SULT6B1: variants seen among roughly 807,000 people sequenced by gnomAD.
SULT6B1 encodes the protein sulfotransferase 6B1.
Under a neutral mutation model 37.2 loss-of-function variants are expected in SULT6B1, and 44 were observed. The observed-to-expected ratio is 1.18, with a 90% confidence interval of 0.93 to 1.52. The LOEUF (loss-of-function observed/expected upper bound fraction) is 1.52. SULT6B1 is among the 40% of genes most tolerant of loss of function. SULT6B1 has a pLI of 0.00. For synonymous variants in SULT6B1, 140 were observed against 126.0 expected (o/e 1.11, Z -0.74); for missense variants, 450 against 361.0 (o/e 1.25, Z -2.00).
chr2:37,193,573 AAAG>A (rs1260602107), upstream of SULT6B1, among the ~76,000 whole-genome samples: 2 of 129,656 alleles, frequency 1.5e-5, no homozygotes, highest in Non-Finnish European at 3.4e-5. Context: ...ACCAAAAAAA[AAAG>A]AAGAAAAAGA....
chr2:37,185,927 C>G (rs1343914789), intron 2 of SULT6B1, among the ~76,000 whole-genome samples: 2 of 152,102 alleles, frequency 1.3e-5, no homozygotes, highest in Non-Finnish European at 2.9e-5. Flanking sequence ...CTGGGCCTGT[C>G]TCAGCTGAGC....
intron 4 of SULT6B1, 76 bp downstream of exon 4, chr2:37,179,382 C>A: frequency 6.3e-7 from 1 of 1,580,038 alleles, no homozygotes; most frequent in Admixed American, 1.8e-5. Flanking sequence ...TTCCTTTACC[C>A]TAAAACACAT....
chr2:37,183,565 T>C (rs755409296), intron 2 of SULT6B1, 51 bp from the exon 3 acceptor site: 1 of 1,382,582 alleles, frequency 7.2e-7, no homozygotes, highest in Non-Finnish European at 1.0e-6. Flanking sequence ...TGCATGTGTG[T>C]GTGTGTGTTG....
intron 4 of SULT6B1, among the ~76,000 whole-genome samples, chr2:37,176,408 C>T (rs1184896468): frequency 2.0e-5 from 3 of 151,810 alleles, no homozygotes; most frequent in Admixed American, 6.6e-5. Flanking sequence ...TACAGGCACA[C>T]ACCACCATGC....
chr2:37,195,531 C>T (rs1676895614), intron 1 of SULT6B1, among the ~76,000 whole-genome samples: 1 of 152,148 alleles, frequency 6.6e-6, no homozygotes, highest in African/African-American at 2.4e-5. Flanking sequence ...GCTATCACCC[C>T]TTCTCTAAAA....
intron 4 of SULT6B1, among the ~76,000 whole-genome samples, chr2:37,178,097 T>C (rs1446950808): frequency 6.6e-6 from 1 of 152,134 alleles, no homozygotes; most frequent in African/African-American, 2.4e-5. Flanking sequence ...CAGGCTGGAG[T>C]GCAATGGTGC....
intron 3 of SULT6B1, among the ~76,000 whole-genome samples, chr2:37,179,836 C>T (rs960955783): frequency 1.3e-5 from 2 of 151,966 alleles, no homozygotes; most frequent in African/African-American, 4.8e-5. Flanking sequence ...CAATAAGATG[C>T]ACAGAAGATG....
rs368644010 is a variant in SULT6B1, at chr2:37,171,600, A to T, written c.625-10T>A. 77 of 1,608,420 alleles carry T rather than the reference A, an allele frequency of 4.8e-5. No homozygotes were observed. The highest frequency in any genetic ancestry group is 2.3e-5 in the Non-Finnish European group (27 of 1,177,996). ...TTCCAGCAGCCAGATTCTGTAAAAAAATTTTCTTAAAGATAAATTTCTTCC... is the reference window on the plus strand; with the variant it reads ...TTCCAGCAGCCAGATTCTGTAAAAATATTTTCTTAAAGATAAATTTCTTCC... On this transcript the variant is annotated splice_polypyrimidine_tract_variant and intron_variant, in intron 5 of 6. Coordinates refer to ENST00000535679, the MANE Select transcript of SULT6B1 (RefSeq NM_001367551.1).
chr2:37,178,819 A>T (rs1676485850), intron 4 of SULT6B1, among the ~76,000 whole-genome samples: 2 of 152,202 alleles, frequency 1.3e-5, no homozygotes, highest in Non-Finnish European at 1.5e-5. Context: ...TGTTTTTATC[A>T]GTGTTACATA....
At chr2:37,185,490 G>A (rs548900960) in intron 2 of SULT6B1, among the ~76,000 whole-genome samples, 23 of 152,214 alleles carry the variant, frequency 1.5e-4, no homozygotes, top group African/African-American at 5.5e-4. Flanking sequence ...GCAGAGGAGG[G>A]TGGATCACTT....
chr2:37,181,815 A>G (rs6722645), intron 3 of SULT6B1, among the ~76,000 whole-genome samples: 25,886 of 152,206 alleles, frequency 0.17, 2,377 homozygotes, highest in South Asian at 0.26. Flanking sequence ...AAAATGTGTT[A>G]ACTGCATTCA....
chr2:37,174,159 C>G (rs2148287150), intron 5 of SULT6B1, among the ~76,000 whole-genome samples: 1 of 152,036 alleles, frequency 6.6e-6, no homozygotes, highest in African/African-American at 2.4e-5. Flanking sequence ...TTGGCTCACT[C>G]CCCCACTTCC....
chr2:37,179,663 C>A (rs1676508046), intron 3 of SULT6B1, 79 bp from the exon 4 acceptor site: 2 of 1,262,376 alleles, frequency 1.6e-6, no homozygotes, highest in Non-Finnish European at 2.3e-6. Context: ...GCAATATCAT[C>A]ATGTCCACTC....
At chr2:37,187,526 G>A (rs965902767) in intron 1 of SULT6B1, 59 bp from the exon 2 acceptor site, 14 of 1,046,466 alleles carry the variant, frequency 1.3e-5, no homozygotes, top group Middle Eastern at 3.2e-4. Flanking sequence ...ACAAAAGGAC[G>A]TTACTTTAGC....
chr2:37,174,165 C>G (rs1446136375), intron 5 of SULT6B1, among the ~76,000 whole-genome samples: 3 of 151,888 alleles, frequency 2.0e-5, no homozygotes, highest in African/African-American at 7.3e-5. Context: ...CACTCCCCCA[C>G]TTCCCTCAGA....
At chr2:37,180,798 T>C (rs1045103152) in intron 3 of SULT6B1, among the ~76,000 whole-genome samples, 1 of 152,230 alleles carries the variant, frequency 6.6e-6, no homozygotes, top group Non-Finnish European at 1.5e-5. Context: ...GCAGGAGAAT[T>C]GGTTGAACCT....
intron 6 of SULT6B1, among the ~76,000 whole-genome samples, chr2:37,168,354 C>T (rs563336639): frequency 5.9e-5 from 9 of 152,132 alleles, no homozygotes; most frequent in African/African-American, 2.2e-4. Context: ...GATGGGGTTT[C>T]GCAATGCTGG....
At chr2:37,191,652 A>C (rs1676781865), upstream of SULT6B1, among the ~76,000 whole-genome samples, 1 of 152,234 alleles carries the variant, frequency 6.6e-6, no homozygotes, top group Non-Finnish European at 1.5e-5. Context: ...TGAACAATGG[A>C]ACAGCTATCA....
At chr2:37,181,146 C>A (rs900724672) in intron 3 of SULT6B1, among the ~76,000 whole-genome samples, 4 of 152,124 alleles carry the variant, frequency 2.6e-5, no homozygotes, top group East Asian at 1.9e-4. Context: ...GAGTAGAGAT[C>A]AATGGGTCTG....
Sources: allele counts gnomAD v4.1 joint callset (sites outside exome capture counted in the v4.1 genomes callset), GRCh38; gene constraint gnomAD v4.1.1; transcripts MANE v1.5; gene names NCBI Gene and HGNC (gene_info 2026-07-23, HGNC 2026-07-21).